EIF4G3: variants seen among roughly 807,000 people sequenced by gnomAD.
EIF4G3 encodes eukaryotic translation initiation factor 4 gamma 3.
In EIF4G3, 34 loss-of-function variants were observed where a neutral mutation model predicts 186.4. The observed-to-expected ratio is 0.18, with a 90% CI of 0.14 to 0.24. EIF4G3 has a LOEUF of 0.24. Among genes scored for constraint, EIF4G3 ranks in the 10% least tolerant of loss-of-function variants. The probability of loss-of-function intolerance (pLI) is 1.00; values close to 1 mark genes in which losing one functional copy is unlikely to be tolerated. For missense variants in EIF4G3, 1,536 were observed against 1,948.5 expected, an observed-to-expected ratio of 0.79 and a Z score of 3.99; for synonymous variants, 673 against 679.5, an observed-to-expected ratio of 0.99 and a Z score of 0.15.
intron 2 of EIF4G3, among the ~76,000 whole-genome samples, chr1:21,162,399 A>G (rs2097781311): frequency 6.6e-6 from 1 of 151,272 alleles, no homozygotes; most frequent in Non-Finnish European, 1.5e-5. Flanking sequence ...CAGTGAACTG[A>G]GATCACACCA....
At chr1:21,021,196 T>G (rs923320058) in intron 4 of EIF4G3, among the ~76,000 whole-genome samples, 7 of 152,136 alleles carry the variant, frequency 4.6e-5, no homozygotes, top group Non-Finnish European at 7.4e-5. Flanking sequence ...GTTGGCCAGA[T>G]TGGTCTCAAA....
At chr1:21,165,689 G>A (rs1357602173) in intron 2 of EIF4G3, among the ~76,000 whole-genome samples, 1 of 152,020 alleles carries the variant, frequency 6.6e-6, no homozygotes, top group East Asian at 1.9e-4. Flanking sequence ...GGGAAAATGG[G>A]GAGTCATGGG....
At chr1:21,101,588 AC>A (rs2096527215) in intron 2 of EIF4G3, among the ~76,000 whole-genome samples, 1 of 112,730 alleles carries the variant, frequency 8.9e-6, no homozygotes, top group Non-Finnish European at 1.9e-5. Context: ...ACAAAAAAAA[AC>A]CGAGGGAGGG....
chr1:20,810,909 A>G lies in EIF4G3; in HGVS notation c.4598-25T>C. ...GCTAAAGGTGATAGAAGAACTAGGAATTACATTTAAGGAGTTAACATAGAA... is the reference window on the plus strand; with the variant it reads ...GCTAAAGGTGATAGAAGAACTAGGAGTTACATTTAAGGAGTTAACATAGAA... On this transcript the variant is annotated intron_variant, in intron 35 of 36. Transcript: ENST00000602326. The surrounding 1 kb of genome is among the most constrained non-coding windows in gnomAD (Gnocchi z 4.1). 1 of 1,599,626 alleles carries G rather than the reference A, an allele frequency of 6.3e-7. No individual in the cohort carries two copies. The highest frequency in any genetic ancestry group is 8.5e-7 in the Non-Finnish European group (1 of 1,170,034).
chr1:20,981,512 TATATATACATACATAC>T (rs2077991792), intron 8 of EIF4G3, among the ~76,000 whole-genome samples: 2 of 134,384 alleles, frequency 1.5e-5, no homozygotes, highest in African/African-American at 5.4e-5. Context: ...GCACATACTG[TATATATACATACATAC>T]ATGTATACGC....
intron 4 of EIF4G3, among the ~76,000 whole-genome samples, chr1:21,020,417 G>A (rs2090399661): frequency 6.6e-6 from 1 of 152,154 alleles, no homozygotes; most frequent in South Asian, 2.1e-4. Flanking sequence ...TTCAGCCTAG[G>A]AGGAGGAGGT....
intron 13 of EIF4G3, among the ~76,000 whole-genome samples, chr1:20,948,386 A>G (rs2096061864): frequency 6.6e-6 from 1 of 152,194 alleles, no homozygotes; most frequent in South Asian, 2.1e-4. Context: ...TGTTGCTGAA[A>G]GAAGTTCTTG....
intron 4 of EIF4G3, among the ~76,000 whole-genome samples, chr1:21,041,607 T>A (rs985558220): frequency 1.3e-5 from 2 of 152,194 alleles, no homozygotes; most frequent in African/African-American, 4.8e-5. Flanking sequence ...GAATTTTGAA[T>A]AATATAGTGT....
chr1:21,095,243 C>T (rs1190377423), intron 2 of EIF4G3, among the ~76,000 whole-genome samples: 1 of 152,148 alleles, frequency 6.6e-6, no homozygotes, highest in Non-Finnish European at 1.5e-5. Flanking sequence ...AATAAGTTTT[C>T]CAAGCTCTTG....
At chr1:21,074,714 AG>A (rs1376790211) in intron 3 of EIF4G3, among the ~76,000 whole-genome samples, 1 of 152,212 alleles carries the variant, frequency 6.6e-6, no homozygotes, top group African/African-American at 2.4e-5. Context: ...CTACAGAATT[AG>A]GAAGATTATA....
chr1:20,857,446 T>C lies in EIF4G3; in HGVS notation c.3296A>G (p.Asn1099Ser). The C allele has an allele frequency of 6.2e-7, 1 of 1,614,168 alleles. No homozygotes were observed. Among genetic ancestry groups the C allele is most frequent in the Non-Finnish European group, 8.5e-7 (1 of 1,180,040 alleles). ...TTTTGAGGGGTCCAGTACCCGACTG[T>C]TCTTGGCCCCTTGTACAGTGTTCCA... ...GGWNTVQGAK[N>S]SRVLDPSKFL... Residue 1099 changes from asparagine (N) to serine (S), a missense_variant, in exon 25 of 37, where the codon AAC (asparagine) becomes AGC (serine). This residue lies in a region of EIF4G3 where 110 missense variants were observed against 166.2 expected (regional missense o/e 0.66). Transcript: ENST00000602326.
intron 11 of EIF4G3, among the ~76,000 whole-genome samples, chr1:20,970,261 T>A (rs1209454362): frequency 1.3e-5 from 2 of 152,226 alleles, no homozygotes; most frequent in Non-Finnish European, 2.9e-5. Flanking sequence ...CTGACTGCAA[T>A]CATGCCTTTT....
Position 21,005,281 on chromosome 1 carries a change from T to TA in EIF4G3, c.-66-2474dup, listed in dbSNP as rs140585485. ...CACCAATTTAATTCTTCATTAAATT[T>TA]AAAAAAATCAAGTATTCATAAGGTC... is the stretch of plus-strand genomic sequence containing the variant. On this transcript the variant is annotated intron_variant, in intron 4 of 36. Coordinates refer to ENST00000602326, the MANE Select transcript of EIF4G3 (RefSeq NM_001391906.1). Among the ~76,000 whole-genome samples the TA allele has an allele frequency of 5.4e-3, 818 of 152,224 alleles. 12 individuals are homozygous for TA. The highest frequency in any genetic ancestry group is 0.024 in the East Asian group (125 of 5,188).
chr1:20,929,641 G>A (rs1043244745), intron 14 of EIF4G3: 2 of 152,146 alleles, frequency 1.3e-5, no homozygotes, highest in African/African-American at 4.8e-5. Context: ...TGCTTAATAT[G>A]TGTCAGATGT....
chr1:20,817,931 C>T (rs2061466878), intron 33 of EIF4G3, among the ~76,000 whole-genome samples: 1 of 152,072 alleles, frequency 6.6e-6, no homozygotes, highest in Admixed American at 6.6e-5. Context: ...CCTCCTTGGC[C>T]TCCCAAAGAC....
chr1:20,926,292 C>T (rs2094882518), intron 14 of EIF4G3, among the ~76,000 whole-genome samples: 1 of 152,190 alleles, frequency 6.6e-6, no homozygotes. Flanking sequence ...TTCTCCTCTT[C>T]TGTAAAGTAA....
intron 21 of EIF4G3, 36 bp downstream of exon 21, chr1:20,865,080 A>C (rs1314533189): frequency 1.2e-6 from 2 of 1,611,740 alleles, no homozygotes; most frequent in Admixed American, 3.3e-5. Flanking sequence ...CAGTGCTCAA[A>C]GTGTACAAGC....
intron 3 of EIF4G3, among the ~76,000 whole-genome samples, chr1:21,068,388 A>AC (rs1553197416): frequency 2.1e-5 from 3 of 141,208 alleles, no homozygotes; most frequent in African/African-American, 3.0e-5. Context: ...AAAAAAAAAA[A>AC]AAAAAAAAAA....
chr1:21,072,864 C>T (rs930471727), intron 3 of EIF4G3, among the ~76,000 whole-genome samples: 3 of 152,188 alleles, frequency 2.0e-5, no homozygotes, highest in African/African-American at 7.2e-5. Context: ...ATGGTGGCAG[C>T]AGCTGCTGGT....
Sources: allele counts gnomAD v4.1 joint callset (sites outside exome capture counted in the v4.1 genomes callset), GRCh38; gene constraint gnomAD v4.1.1; regional missense constraint gnomAD v4.1.1; non-coding constraint Gnocchi (gnomAD v3.1); transcripts MANE v1.5; gene names NCBI Gene and HGNC (gene_info 2026-07-23, HGNC 2026-07-21).